MEI1: variants seen among roughly 807,000 people sequenced by gnomAD.
MEI1 encodes the protein meiotic double-stranded break formation protein 1.
A neutral mutation model predicts 146.2 loss-of-function variants in MEI1; 103 were observed. That is an observed-to-expected ratio of 0.70 (90% CI 0.60 to 0.83). MEI1 has a LOEUF of 0.83. Ranked by LOEUF, MEI1 falls within the 40% of genes least tolerant of loss-of-function variation. MEI1 has a pLI of 0.00. For synonymous variants in MEI1, 652 were observed against 628.2 expected, an observed-to-expected ratio of 1.04 and a Z score of -0.57; for missense variants, 1,529 against 1,533.0, an observed-to-expected ratio of 1.00 and a Z score of 0.04.
intron 11 of MEI1, 110 bp downstream of exon 11, chr22:41,732,713 A>G: frequency 8.3e-7 from 1 of 1,209,206 alleles, no homozygotes; most frequent in East Asian, 2.5e-5. Flanking sequence ...AATACCTAAT[A>G]TAGTTGGCCC....
intron 17 of MEI1, among the ~76,000 whole-genome samples, chr22:41,756,958 A>G (rs2074127295): frequency 6.6e-6 from 1 of 152,200 alleles, no homozygotes; most frequent in African/African-American, 2.4e-5. Flanking sequence ...CCCCACATCT[A>G]TTCACTGACT....
intron 26 of MEI1, among the ~76,000 whole-genome samples, chr22:41,789,182 C>T (rs8137029): frequency 0.55 from 83,463 of 151,822 alleles, 24,962 homozygotes; most frequent in East Asian, 0.76. Flanking sequence ...CGTGGTGGCG[C>T]GCACCTGTAA....
intron 3 of MEI1, among the ~76,000 whole-genome samples, chr22:41,711,111 C>A (rs1296646055): frequency 6.6e-6 from 1 of 152,150 alleles, no homozygotes; most frequent in Non-Finnish European, 1.5e-5. Flanking sequence ...AAGTGTCTTC[C>A]CACTTTATGC....
chr22:41,749,025 C>T (rs935186194), intron 15 of MEI1, among the ~76,000 whole-genome samples: 1 of 152,062 alleles, frequency 6.6e-6, no homozygotes, highest in African/African-American at 2.4e-5. Flanking sequence ...AGGATGGTCT[C>T]GATCTCCTGA....
Position 41,707,065 on chromosome 22 carries a change from C to G in MEI1, c.349+1511C>G, listed in dbSNP as rs6002447. Among the ~76,000 whole-genome samples the G allele has an allele frequency of 1.3e-3, 195 of 149,510 alleles. 3 individuals carry two copies. The highest frequency in any genetic ancestry group is 4.7e-3 in the African/African-American group (192 of 40,740). On this transcript the variant is annotated intron_variant, in intron 3 of 30. Transcript: ENST00000401548. ...AAAAAAAAAAAAAATTAGCCGGGCG[C>G]GGTGGCGGGCACCTGTAATCCCAGC...
chr22:41,771,860 A>G (rs975702869), intron 20 of MEI1, among the ~76,000 whole-genome samples: 1 of 152,216 alleles, frequency 6.6e-6, no homozygotes, highest in African/African-American at 2.4e-5. Context: ...CACCAGATGA[A>G]ATATTCGGGG....
At chr22:41,770,591 G>C in intron 19 of MEI1, 95 bp from the exon 20 acceptor site, 1 of 1,208,092 alleles carries the variant, frequency 8.3e-7, no homozygotes, top group Non-Finnish European at 1.1e-6. Context: ...ATACTGAGAT[G>C]ACAGTACATT....
Position 41,721,134 on chromosome 22 carries a change from C to T in MEI1, c.734-2809C>T, listed in dbSNP as rs565795301. 1.1e-4 allele frequency among the ~76,000 whole-genome samples: 16 copies of T among 149,588 alleles called. No homozygotes were observed. The East Asian group carries it at 1.6e-3, about 15-fold the overall frequency. ...TTCACCATGTTAGCCAGGATGGTCT[C>T]GATCTCTTGACTTCATGATCCGCCC... On this transcript the variant is annotated intron_variant, in intron 6 of 30. Transcript: ENST00000401548.
At chr22:41,703,517 G>T in intron 2 of MEI1, 63 bp downstream of exon 2, 1 of 1,375,824 alleles carries the variant, frequency 7.3e-7, no homozygotes, top group Non-Finnish European at 9.6e-7. Flanking sequence ...CTGCTTTTGG[G>T]GCTCTTGGAA....
chr22:41,783,349 A>G (rs1276598848), intron 24 of MEI1, among the ~76,000 whole-genome samples: 3 of 151,368 alleles, frequency 2.0e-5, no homozygotes, highest in African/African-American at 7.3e-5. Context: ...CTGGAGTGCA[A>G]TGGTGTGATC....
At chr22:41,763,638 T>A (rs1162845212) in intron 19 of MEI1, among the ~76,000 whole-genome samples, 1 of 151,908 alleles carries the variant, frequency 6.6e-6, no homozygotes, top group Non-Finnish European at 1.5e-5. Flanking sequence ...TCACTTGAGT[T>A]CGGGAGTGCA....
intron 9 of MEI1, among the ~76,000 whole-genome samples, chr22:41,730,976 A>G (rs563668355): frequency 6.6e-6 from 1 of 151,816 alleles, no homozygotes; most frequent in African/African-American, 2.4e-5. Flanking sequence ...CAGATATCTA[A>G]CCATCCAGGT....
chr22:41,769,915 A>G (rs13053502), intron 19 of MEI1, among the ~76,000 whole-genome samples: 3 of 151,268 alleles, frequency 2.0e-5, no homozygotes, highest in African/African-American at 7.3e-5. Flanking sequence ...CGGGCAGATC[A>G]CCTGAGGTCA....
chr22:41,794,391 C>T lies in MEI1; in HGVS notation c.3448C>T (p.Pro1150Ser). ...PDIALHVASQPWNRFLLFTLL... is the reference protein window; with the variant it reads ...PDIALHVASQSWNRFLLFTLL... ...TGAAGCTCTCCACGTGGCCTCCCAG[C>T]CTTGGAATCGGTTTTTGCTGTTTAC... Residue 1150 changes from proline (P) to serine (S), a missense_variant, in exon 28 of 31, where the codon CCT (proline) becomes TCT (serine). Pro to Ser is a moderately conservative substitution (Grantham distance 74). This residue lies in a region of MEI1 where 313 missense variants were observed against 337.3 expected (regional missense o/e 0.93). Transcript: ENST00000401548. 1 of 1,613,964 alleles carries T rather than the reference C, an allele frequency of 6.2e-7. No individual in the cohort carries two copies. Among genetic ancestry groups the T allele is most frequent in the South Asian group, 1.1e-5 (1 of 91,080 alleles).
At chr22:41,778,073 T>C (rs1169147360) in intron 21 of MEI1, among the ~76,000 whole-genome samples, 1 of 150,348 alleles carries the variant, frequency 6.7e-6, no homozygotes. Context: ...CCCACAGCCT[T>C]GACCTCCTAG....
At position 41,784,603 on chromosome 22, in the gene MEI1, T is replaced by A; in HGVS notation, c.3170-5T>A. 6.2e-7 allele frequency: 1 copy of A among 1,611,168 alleles called. No individual in the cohort carries two copies. Among genetic ancestry groups the A allele is most frequent in the East Asian group, 2.2e-5 (1 of 44,868 alleles). ...AATTGGGTGTAAGGAATCTCCTGCTTCCAGCTGCCATCTTATGCTTCCTGC... is the reference window on the plus strand; with the variant it reads ...AATTGGGTGTAAGGAATCTCCTGCTACCAGCTGCCATCTTATGCTTCCTGC... On this transcript the variant is annotated splice_region_variant and splice_polypyrimidine_tract_variant and intron_variant, in intron 25 of 30. Coordinates refer to ENST00000401548, the MANE Select transcript of MEI1 (RefSeq NM_152513.4).
chr22:41,794,714 C>A (rs2076303846), intron 28 of MEI1, among the ~76,000 whole-genome samples: 2 of 152,180 alleles, frequency 1.3e-5, no homozygotes, highest in African/African-American at 4.8e-5. Flanking sequence ...TTGACCAGGG[C>A]CTGTCTACCA....
At chr22:41,731,199 A>G (rs774435844) in intron 9 of MEI1, among the ~76,000 whole-genome samples, 139 of 150,816 alleles carry the variant, frequency 9.2e-4, no homozygotes, top group Middle Eastern at 3.2e-3. Flanking sequence ...GATTACAGGC[A>G]TGTGCCACCA....
At chr22:41,745,230 A>G (rs1449141276) in intron 13 of MEI1, among the ~76,000 whole-genome samples, 166 bp downstream of exon 13, 1 of 152,114 alleles carries the variant, frequency 6.6e-6, no homozygotes, top group Non-Finnish European at 1.5e-5. Context: ...AGGAGGCTTG[A>G]GGACAGGCAG....
Sources: gnomAD v4.1 joint callset for allele counts (sites outside exome capture counted in the v4.1 genomes callset) on GRCh38, gnomAD v4.1.1 for gene constraint, gnomAD v4.1.1 regional missense constraint, MANE v1.5 for transcripts, NCBI Gene and HGNC (gene_info 2026-07-23, HGNC 2026-07-21) for gene names.